CRISPLD2: variants seen among roughly 807,000 people sequenced by gnomAD.
CRISPLD2 encodes the protein cysteine rich secretory protein LCCL domain containing 2, also known as cysteine-rich secretory protein LCCL domain-containing 2.
A neutral mutation model predicts 71.1 loss-of-function variants in CRISPLD2; 47 were observed. That is an observed-to-expected ratio of 0.66 (90% CI 0.52 to 0.84). CRISPLD2 has a LOEUF of 0.84. Among genes scored for constraint, CRISPLD2 ranks in the 40% least tolerant of loss-of-function variants. The pLI, the probability that CRISPLD2 is intolerant of heterozygous loss-of-function variation, is 0.00. For synonymous variants in CRISPLD2, 317 were observed against 250.1 expected (o/e 1.27, Z -2.52); for missense variants, 830 against 651.1 (o/e 1.27, Z -2.99).
At chr16:84,854,340 GC>G (rs1917173226) in intron 5 of CRISPLD2, among the ~76,000 whole-genome samples, 1 of 152,176 alleles carries the variant, frequency 6.6e-6, no homozygotes, top group Non-Finnish European at 1.5e-5. Context: ...GGACAGGCTG[GC>G]TTTACACATT....
intron 13 of CRISPLD2, among the ~76,000 whole-genome samples, chr16:84,887,157 C>T (rs915279108): frequency 3.3e-5 from 5 of 152,182 alleles, no homozygotes; most frequent in South Asian, 2.1e-4. Context: ...CCCTGGGGCT[C>T]GGGTATTGTG....
intron 1 of CRISPLD2, among the ~76,000 whole-genome samples, chr16:84,821,582 T>G (rs1916232060): frequency 6.6e-6 from 1 of 152,202 alleles, no homozygotes; most frequent in African/African-American, 2.4e-5. Flanking sequence ...CTCTTGACCC[T>G]GCTTTCTTTA....
At chr16:84,904,276 G>A (rs1482494224) in intron 14 of CRISPLD2, among the ~76,000 whole-genome samples, 1 of 152,128 alleles carries the variant, frequency 6.6e-6, no homozygotes, top group African/African-American at 2.4e-5. Flanking sequence ...CATCAGGACA[G>A]ACACAGAGAT....
intron 6 of CRISPLD2, among the ~76,000 whole-genome samples, chr16:84,857,762 T>C (rs561493575): frequency 4.6e-5 from 7 of 152,284 alleles, no homozygotes; most frequent in South Asian, 2.1e-4. Flanking sequence ...CATGAGGCCA[T>C]TGGTACAGGC....
intron 8 of CRISPLD2, among the ~76,000 whole-genome samples, chr16:84,871,733 GT>G (rs2071470837): frequency 6.6e-6 from 1 of 151,960 alleles, no homozygotes; most frequent in Non-Finnish European, 1.5e-5. Context: ...TATATTTTTA[GT>G]AGAGATGGGT....
chr16:84,904,607 TAAAAA>T (rs901197383), intron 14 of CRISPLD2, among the ~76,000 whole-genome samples: 35 of 140,038 alleles, frequency 2.5e-4, no homozygotes, highest in African/African-American at 9.4e-4. Context: ...AAAAAAAATT[TAAAAA>T]AAAAATTAAA....
chr16:84,835,756 G>C (rs1259316257), intron 1 of CRISPLD2, among the ~76,000 whole-genome samples: 2 of 152,208 alleles, frequency 1.3e-5, no homozygotes, highest in South Asian at 2.1e-4. Flanking sequence ...GGAATCCTTA[G>C]AGAAGGACCA....
At chr16:84,849,763 G>C (rs890853605) in intron 4 of CRISPLD2, among the ~76,000 whole-genome samples, 2 of 120,330 alleles carry the variant, frequency 1.7e-5, no homozygotes, top group Non-Finnish European at 3.8e-5. Context: ...ACCTGGGCTG[G>C]AGTGCAGTGG....
chr16:84,866,765 T>C, intron 6 of CRISPLD2, 132 bp from the exon 7 acceptor site: 1 of 847,206 alleles, frequency 1.2e-6, no homozygotes, highest in Non-Finnish European at 1.8e-6. Context: ...AACTTTCTCT[T>C]TGCCGCTGAA....
At chr16:84,887,876 C>CA (rs974618799) in intron 13 of CRISPLD2, among the ~76,000 whole-genome samples, 1 of 151,966 alleles carries the variant, frequency 6.6e-6, no homozygotes, top group Non-Finnish European at 1.5e-5. Flanking sequence ...AACTCCGTCT[C>CA]AAAAAATAGA....
intron 11 of CRISPLD2, 68 bp from the exon 12 acceptor site, chr16:84,877,370 C>T: frequency 6.8e-7 from 1 of 1,463,540 alleles, no homozygotes; most frequent in Non-Finnish European, 9.5e-7. Context: ...TGGCCCATTG[C>T]ACAGCCTGGT....
Position 84,872,524 on chromosome 16 carries a change from C to G in CRISPLD2, c.981+16C>G, listed in dbSNP as rs776310093. 6 of 1,607,036 alleles carry G rather than the reference C, an allele frequency of 3.7e-6. No individual in the cohort carries two copies. Among genetic ancestry groups the G allele is most frequent in the Non-Finnish European group, 4.3e-6 (5 of 1,174,560 alleles). ...CTATGAAAGCGTGAGTGTGGCCAGT[C>G]CTCCTCTCAATGGCTTGTGTGGGAT... On this transcript the variant is annotated intron_variant, in intron 9 of 14. Transcript: ENST00000262424.
At chr16:84,880,410 C>G (rs1204382872) in intron 12 of CRISPLD2, 99 bp from the exon 13 acceptor site, 1 of 898,916 alleles carries the variant, frequency 1.1e-6, no homozygotes, top group Non-Finnish European at 1.7e-6. Context: ...TTCCTTTCAT[C>G]TACGAACTTA....
chr16:84,857,160 G>T (rs2143239011), intron 6 of CRISPLD2, among the ~76,000 whole-genome samples: 1 of 152,324 alleles, frequency 6.6e-6, no homozygotes, highest in East Asian at 1.9e-4. Flanking sequence ...AGCCAGGTCA[G>T]CCTTGGTGGG....
intron 3 of CRISPLD2, among the ~76,000 whole-genome samples, chr16:84,847,958 A>T (rs758182813): frequency 6.6e-6 from 1 of 152,048 alleles, no homozygotes; most frequent in African/African-American, 2.4e-5. Context: ...TTGCAGATTC[A>T]TTTTTGTTTT....
At chr16:84,869,330 A>T (rs752834099) in intron 8 of CRISPLD2, among the ~76,000 whole-genome samples, 18 of 152,228 alleles carry the variant, frequency 1.2e-4, no homozygotes, top group Admixed American at 3.9e-4. Flanking sequence ...CGCCGCACGC[A>T]CACCCTCAGA....
chr16:84,836,128 G>C (rs1393314391), intron 1 of CRISPLD2: 2 of 152,154 alleles, frequency 1.3e-5, no homozygotes, highest in Non-Finnish European at 2.9e-5. Context: ...ATTACCTTCA[G>C]GCTACATGTA....
At chr16:84,863,851 C>G (rs551064914) in intron 6 of CRISPLD2, among the ~76,000 whole-genome samples, 2 of 151,188 alleles carry the variant, frequency 1.3e-5, no homozygotes, top group Admixed American at 6.6e-5. Context: ...GCCTGTAATC[C>G]CAGGCTGAGG....
chr16:84,866,955 C>T lies in CRISPLD2; in HGVS notation c.768C>T (p.Pro256=). The T allele has an allele frequency of 6.2e-7, 1 of 1,614,076 alleles. No homozygotes were observed. The highest frequency in any genetic ancestry group is 1.1e-5 in the South Asian group (1 of 91,080). ...AGATGAATGAGGTGGAAACGGCTCC[C>T]ATTCCTGAAGAAAACCATGTTTGGC... The part of the protein sequence containing the change: ...TDEMNEVETA[P]IPEENHVWLQ... The change falls in exon 7 of 15, where the codon CCC becomes CCT. Residue 256 remains proline, a synonymous_variant. Coordinates refer to ENST00000262424, the MANE Select transcript of CRISPLD2 (RefSeq NM_031476.4).
Sources: gnomAD v4.1 joint callset for allele counts (sites outside exome capture counted in the v4.1 genomes callset) on GRCh38, gnomAD v4.1.1 for gene constraint, MANE v1.5 for transcripts, NCBI Gene and HGNC (gene_info 2026-07-23, HGNC 2026-07-21) for gene names.